The following STYK1 variants were observed in gnomAD, a reference collection of about 807,000 sequenced individuals.
The protein encoded by STYK1 is STY kinase 1.
STYK1 carries 46 observed loss-of-function variants against 48.1 expected under a neutral mutation model. That is an observed-to-expected ratio of 0.96 (90% CI 0.75 to 1.22). STYK1 has a LOEUF of 1.22. STYK1 is among the 50% of genes most tolerant of loss of function. The pLI is 0.00. For missense variants in STYK1, 527 were observed against 521.1 expected (o/e 1.01, Z -0.11); for synonymous variants, 188 against 189.0 (o/e 0.99, Z 0.04).
intron 1 of STYK1, among the ~76,000 whole-genome samples, chr12:10,658,193 A>C (rs1180312399): frequency 6.6e-6 from 1 of 152,180 alleles, no homozygotes; most frequent in Non-Finnish European, 1.5e-5. Flanking sequence ...CCTTAACAAA[A>C]ATTTGTAAAG....
intron 8 of STYK1, 70 bp from the exon 9 acceptor site, chr12:10,622,748 C>G: frequency 2.3e-5 from 36 of 1,584,166 alleles, no homozygotes; most frequent in Non-Finnish European, 3.1e-5. Flanking sequence ...ATTTAAGTGT[C>G]AGAAGCCTTT....
chr12:10,634,928 C>T (rs1318873557), intron 2 of STYK1, among the ~76,000 whole-genome samples: 1 of 152,138 alleles, frequency 6.6e-6, no homozygotes, highest in Non-Finnish European at 1.5e-5. Flanking sequence ...CTGCTCTTGT[C>T]CTTTCATTCA....
chr12:10,650,849 A>G (rs1947655264), intron 1 of STYK1, among the ~76,000 whole-genome samples: 1 of 151,982 alleles, frequency 6.6e-6, no homozygotes, highest in Non-Finnish European at 1.5e-5. Context: ...AAAAAAAAAT[A>G]CAAGAATTAG....
chr12:10,623,071 T>A (rs1947315679), intron 8 of STYK1, among the ~76,000 whole-genome samples: 1 of 152,210 alleles, frequency 6.6e-6, no homozygotes, highest in Non-Finnish European at 1.5e-5. Flanking sequence ...CCTTTATTCT[T>A]AGCACAAATT....
At chr12:10,634,777 C>T in intron 2 of STYK1, 91 bp from the exon 3 acceptor site, 1 of 710,668 alleles carries the variant, frequency 1.4e-6, no homozygotes, top group Non-Finnish European at 2.3e-6. Context: ...CTACAGATCA[C>T]TAGTTAAGTA....
At chr12:10,638,643 T>C (rs1378793418) in intron 1 of STYK1, among the ~76,000 whole-genome samples, 2 of 152,238 alleles carry the variant, frequency 1.3e-5, no homozygotes, top group Non-Finnish European at 1.5e-5. Context: ...TCTTAATAAG[T>C]GGCATTTCTT....
chr12:10,654,621 C>A (rs141558940), intron 1 of STYK1, among the ~76,000 whole-genome samples: 2 of 152,266 alleles, frequency 1.3e-5, no homozygotes, highest in South Asian at 2.1e-4. Flanking sequence ...AGGAGAGTCT[C>A]TCCTAAGACA....
chr12:10,631,044 C>T lies in STYK1; in HGVS notation c.451+1G>A. On this transcript the variant is annotated splice_donor_variant, in intron 5 of 10. Transcript: ENST00000075503. LOFTEE classifies it high-confidence loss of function. Reference sequence around the variant, plus strand: ...GGGGAGTCAAACACTTCTTGTTTTACCTTTTAAAGCCTTGAGAATAACACT... The same window carrying T: ...GGGGAGTCAAACACTTCTTGTTTTATCTTTTAAAGCCTTGAGAATAACACT... 1 of 1,612,482 alleles carries T rather than the reference C, an allele frequency of 6.2e-7. No individual in the cohort carries two copies. The highest frequency in any genetic ancestry group is 1.1e-5 in the South Asian group (1 of 91,016).
intron 1 of STYK1, among the ~76,000 whole-genome samples, chr12:10,649,679 G>T (rs542326009): frequency 6.6e-6 from 1 of 152,138 alleles, no homozygotes. Context: ...AGGAAGAAAG[G>T]CTACAAGGCA....
intron 1 of STYK1, among the ~76,000 whole-genome samples, chr12:10,643,971 G>GA (rs36021112): frequency 0.94 from 141,908 of 151,168 alleles, 67,066 homozygotes; most frequent in East Asian, 0.99. Context: ...TTGTATTTTA[G>GA]AAAAAAAAAA....
At chr12:10,649,318 G>T (rs1295185070) in intron 1 of STYK1, among the ~76,000 whole-genome samples, 1 of 152,014 alleles carries the variant, frequency 6.6e-6, no homozygotes, top group Non-Finnish European at 1.5e-5. Context: ...ATTAAAAATA[G>T]AAAAAATAAC....
At chr12:10,638,909 G>A (rs1029656210) in intron 1 of STYK1, among the ~76,000 whole-genome samples, 27 of 152,106 alleles carry the variant, frequency 1.8e-4, no homozygotes, top group African/African-American at 5.6e-4. Flanking sequence ...CAACACATGT[G>A]GATCTTCCAG....
chr12:10,660,175 A>G (rs1359048545), intron 1 of STYK1, among the ~76,000 whole-genome samples: 1 of 152,218 alleles, frequency 6.6e-6, no homozygotes, highest in African/African-American at 2.4e-5. Flanking sequence ...CTTGCAGAAT[A>G]TATTGCTTTG....
chr12:10,647,712 T>C (rs1947615824), intron 1 of STYK1, among the ~76,000 whole-genome samples: 1 of 152,170 alleles, frequency 6.6e-6, no homozygotes, highest in Admixed American at 6.5e-5. Context: ...TATCTTGAAT[T>C]CCCATGTGTT....
intron 1 of STYK1, among the ~76,000 whole-genome samples, chr12:10,657,780 T>A (rs929968033): frequency 2.0e-5 from 3 of 152,154 alleles, no homozygotes; most frequent in Admixed American, 6.5e-5. Context: ...AGTACCTAAT[T>A]AAAATCACTT....
At chr12:10,663,876 T>G (rs996463260) in intron 1 of STYK1, among the ~76,000 whole-genome samples, 1 of 152,200 alleles carries the variant, frequency 6.6e-6, no homozygotes, top group Non-Finnish European at 1.5e-5. Context: ...TTAGGTCTTC[T>G]TTAGCTTCTT....
intron 8 of STYK1, among the ~76,000 whole-genome samples, 185 bp from the exon 9 acceptor site, chr12:10,622,863 C>T (rs977269214): frequency 3.9e-5 from 6 of 152,204 alleles, no homozygotes; most frequent in South Asian, 2.1e-4. Context: ...TCCATAGGTT[C>T]GAATCTCTTT....
intron 1 of STYK1, among the ~76,000 whole-genome samples, chr12:10,668,438 C>A (rs1007759179): frequency 6.7e-6 from 1 of 150,258 alleles, no homozygotes; most frequent in Non-Finnish European, 1.5e-5. Flanking sequence ...TGCAGTGGTA[C>A]GATCTTGGCT....
At chr12:10,630,403 A>G (rs981541532) in intron 5 of STYK1, among the ~76,000 whole-genome samples, 5 of 150,286 alleles carry the variant, frequency 3.3e-5, no homozygotes, top group African/African-American at 9.7e-5. Context: ...AAAAAAAAGA[A>G]AAAAGAAATA....
Sources: allele counts gnomAD v4.1 joint callset (sites outside exome capture counted in the v4.1 genomes callset), GRCh38; gene constraint gnomAD v4.1.1; transcripts MANE v1.5; gene names NCBI Gene and HGNC (gene_info 2026-07-23, HGNC 2026-07-21).